Variants in SLC12A2 observed in about 807,000 individuals in gnomAD.
SLC12A2 encodes the protein Na-K-2Cl cotransporter 1.
SLC12A2 carries 67 observed loss-of-function variants against 136.3 expected under a neutral mutation model. The ratio of observed to expected loss-of-function variants is 0.49; its 90% CI spans 0.40 to 0.60. The LOEUF (loss-of-function observed/expected upper bound fraction) is 0.60, where lower values mean the gene tolerates loss of function less well. SLC12A2 is among the 20% of genes least tolerant of loss of function. The pLI is 0.00. For missense variants in SLC12A2, 1,322 were observed against 1,534.7 expected, an observed-to-expected ratio of 0.86 and a Z score of 2.32; for synonymous variants, 619 against 562.9, an observed-to-expected ratio of 1.10 and a Z score of -1.41.
At chr5:128,170,671 T>A (rs1763344562) in intron 18 of SLC12A2, 1 of 152,184 alleles carries the variant, frequency 6.6e-6, no homozygotes, top group East Asian at 1.9e-4. Flanking sequence ...GAATTTAAAA[T>A]TTTTTCAGTA....
At chr5:128,132,577 G>A (rs1275072521) in intron 5 of SLC12A2, among the ~76,000 whole-genome samples, 1 of 152,064 alleles carries the variant, frequency 6.6e-6, no homozygotes, top group Non-Finnish European at 1.5e-5. Flanking sequence ...GAGTGCAATA[G>A]GATTCCTCAA....
At chr5:128,110,109 G>T in intron 1 of SLC12A2, 1 of 939,164 alleles carries the variant, frequency 1.1e-6, no homozygotes, top group South Asian at 1.3e-5. Context: ...TGAACATGTA[G>T]GTTTTAGAAT....
chr5:128,084,040 C>T lies in SLC12A2; in HGVS notation c.86C>T (p.Ala29Val). The T allele has an allele frequency of 5.5e-6, 7 of 1,273,234 alleles. No individual in the cohort carries two copies. The highest frequency in any genetic ancestry group is 5.9e-6 in the Non-Finnish European group (6 of 1,012,464). 78.9% of individuals were successfully genotyped at this position (1,273,234 alleles called of 1,614,324 possible). A position where few individuals can be genotyped will look rare whatever the true frequency, so the allele number is the denominator to read the frequency against. The change falls in exon 1 of 27, where the codon GCA becomes GTA. Residue 29 changes from alanine to valine, a missense_variant. Transcript: ENST00000262461. The surrounding 1 kb of genome is among the most constrained non-coding windows in gnomAD (Gnocchi z 5.6). ...GETPSAAALA[A>V]ARVELPGTAV... ...ACGCCGTCAGCCGCTGCGCTGGCCG[C>T]AGCCAGGGTGGAACTGCCCGGCACG... is the stretch of plus-strand genomic sequence containing the variant.
chr5:128,172,780 G>A (rs139698082), intron 19 of SLC12A2, among the ~76,000 whole-genome samples: 1 of 152,042 alleles, frequency 6.6e-6, no homozygotes, highest in African/African-American at 2.4e-5. Context: ...GACCAGCATG[G>A]TGAAGCCCCG....
At chr5:128,128,765 T>G (rs1438268426) in intron 4 of SLC12A2, among the ~76,000 whole-genome samples, 1 of 150,412 alleles carries the variant, frequency 6.6e-6, no homozygotes, top group East Asian at 1.9e-4. Flanking sequence ...CTGTGCTGAT[T>G]AGTAAAAAAA....
chr5:128,085,057 A>G (rs1157295071), intron 1 of SLC12A2, among the ~76,000 whole-genome samples: 1 of 151,316 alleles, frequency 6.6e-6, no homozygotes, highest in African/African-American at 2.4e-5. Context: ...GAGAATGTGC[A>G]GTGAGGATCT....
intron 9 of SLC12A2, among the ~76,000 whole-genome samples, chr5:128,139,447 C>A (rs1490546693): frequency 6.6e-6 from 1 of 152,136 alleles, no homozygotes; most frequent in Non-Finnish European, 1.5e-5. Flanking sequence ...CATGTTATTA[C>A]TTCATGGGAT....
Position 128,084,754 on chromosome 5 carries a change from T to TGTG in SLC12A2, c.756+45_756+46insTGG. 8.7e-6 allele frequency: 13 copies of TGTG among 1,498,372 alleles called. No individual in the cohort carries two copies. Among genetic ancestry groups the TGTG allele is most frequent in the Non-Finnish European group, 1.2e-5 (13 of 1,120,038 alleles). The allele number at this position is 1,498,372 out of a possible 1,614,324, so 92.8% of individuals were successfully genotyped here. A position where few individuals can be genotyped will look rare whatever the true frequency, so the allele number is the denominator to read the frequency against. On this transcript the variant is annotated intron_variant, in intron 1 of 26. Transcript: ENST00000262461. The surrounding 1 kb of genome is among the most constrained non-coding windows in gnomAD (Gnocchi z 5.6). ...CCCTTCTTCCCCAGCCCCTGGTGCA[T>TGTG]GCCGACCGCGGGATGTGGCTGCAGA...
rs758739628 is a variant in SLC12A2 at position 128,171,701 on chromosome 5, A to G, written c.2758A>G (p.Ile920Val). 1 of 1,589,566 alleles carries G rather than the reference A, an allele frequency of 6.3e-7. No homozygotes were observed. The highest frequency in any genetic ancestry group is 1.9e-5 in the Admixed American group (1 of 53,084). ...AFDIQYGVVV[I>V]RLKEGLDISH... ...TGACATACAATATGGAGTAGTGGTT[A>G]TTCGCCTAAAAGAAGGTCTGGATAT... The change falls in exon 19 of 27, where the codon ATT becomes GTT. Residue 920 changes from isoleucine (I) to valine (V), a missense_variant. Ile to Val is a conservative substitution (Grantham distance 29). This residue lies in a region of SLC12A2 where 226 missense variants were observed against 210.4 expected (regional missense o/e 1.07). Coordinates refer to ENST00000262461, the MANE Select transcript of SLC12A2 (RefSeq NM_001046.3).
rs1763564967 is a variant in SLC12A2 at position 128,177,171 on chromosome 5, T to G, written c.2977+19T>G. ...AAAAAAGGCAGGCATTTTTCATCAT[T>G]TTATTTTAAACCCTTTTTCATACTG... On this transcript the variant is annotated intron_variant, in intron 21 of 26. Coordinates refer to ENST00000262461, the MANE Select transcript of SLC12A2 (RefSeq NM_001046.3). 3 of 1,578,604 alleles carry G rather than the reference T, an allele frequency of 1.9e-6. No individual in the cohort carries two copies. Among genetic ancestry groups the G allele is most frequent in the Non-Finnish European group, 2.6e-6 (3 of 1,160,760 alleles).
At chr5:128,123,077 C>T (rs1053285917) in intron 4 of SLC12A2, among the ~76,000 whole-genome samples, 3 of 152,006 alleles carry the variant, frequency 2.0e-5, no homozygotes, top group African/African-American at 7.2e-5. Flanking sequence ...GGTGACCTTT[C>T]AGTTTTGCCA....
rs928925180 is a variant in SLC12A2 at position 128,110,431 on chromosome 5, G to C, written c.757-2383G>C. 2.1e-4 allele frequency: 243 copies of C among 1,130,340 alleles called. 1 individual carries two copies. The South Asian group carries it at 2.9e-3, about 13-fold the overall frequency. 70.0% of individuals were successfully genotyped at this position (1,130,340 alleles called of 1,614,324 possible). A position where few individuals can be genotyped will look rare whatever the true frequency, so the allele number is the denominator to read the frequency against. On this transcript the variant is annotated intron_variant, in intron 1 of 26. Transcript: ENST00000262461. ...TTGAGAGGGCAAGACAGCCGCAAAG[G>C]AGACTTGAGCTGGTTAAACTCAGTA... is the stretch of plus-strand genomic sequence containing the variant.
rs775216710 is a variant in SLC12A2 at position 128,184,506 on chromosome 5, T to G, written c.3435+5T>G. The G allele has an allele frequency of 6.3e-7, 1 of 1,576,508 alleles. No individual in the cohort carries two copies. Among genetic ancestry groups the G allele is most frequent in the Admixed American group, 2.0e-5 (1 of 49,654 alleles). On this transcript the variant is annotated splice_donor_5th_base_variant and intron_variant, in intron 25 of 26. Transcript: ENST00000262461. ...CTTGAACTTTATAAGACCAAGGTATTCTCTTCTGCTTCCTTTTCATTAATC... is the reference window on the plus strand; with the variant it reads ...CTTGAACTTTATAAGACCAAGGTATGCTCTTCTGCTTCCTTTTCATTAATC...
intron 4 of SLC12A2, among the ~76,000 whole-genome samples, chr5:128,129,998 C>G (rs1034852574): frequency 2.7e-5 from 4 of 150,194 alleles, no homozygotes; most frequent in African/African-American, 9.8e-5. Flanking sequence ...CAAACTACAT[C>G]TCTTTGGAAT....
chr5:128,112,255 A>C (rs1395512948), intron 1 of SLC12A2, among the ~76,000 whole-genome samples: 1 of 152,178 alleles, frequency 6.6e-6, no homozygotes, highest in Admixed American at 6.5e-5. Context: ...TCTGAGAAAA[A>C]CTACAAAGGA....
chr5:128,134,284 T>C lies in SLC12A2; in HGVS notation c.1299+9T>C, dbSNP rs778646132. On this transcript the variant is annotated intron_variant, in intron 6 of 26. Transcript: ENST00000262461. ...TGGAGTGGGAAGCAAAAGTAAGTTA[T>C]GATAGGAACACCTGTAAATATTTAA... 2.3e-6 allele frequency: 3 copies of C among 1,318,088 alleles called. No individual in the cohort carries two copies. The highest frequency in any genetic ancestry group is 2.3e-5 in the East Asian group (1 of 43,434). 81.6% of individuals were successfully genotyped at this position (1,318,088 alleles called of 1,614,324 possible). A position where few individuals can be genotyped will look rare whatever the true frequency, so the allele number is the denominator to read the frequency against.
chr5:128,154,787 A>AT (rs1343704317), intron 15 of SLC12A2, among the ~76,000 whole-genome samples: 2 of 152,182 alleles, frequency 1.3e-5, no homozygotes, highest in Admixed American at 6.5e-5. Context: ...CTTATTGCAC[A>AT]TTACGGCTGT....
chr5:128,171,286 G>A (rs1407676947), intron 18 of SLC12A2, among the ~76,000 whole-genome samples: 1 of 152,074 alleles, frequency 6.6e-6, no homozygotes, highest in Non-Finnish European at 1.5e-5. Context: ...AGGTTTTTGT[G>A]TGTGTGTCTT....
In SLC12A2 at chr5:128,147,717, C is replaced by G. The variant is rs151034703; in HGVS notation, c.1869C>G (p.Pro623=). 6.9e-6 allele frequency: 11 copies of G among 1,595,630 alleles called. No individual in the cohort carries two copies. Among genetic ancestry groups the G allele is most frequent in the African/African-American group, 1.3e-5 (1 of 74,408 alleles). The change falls in exon 11 of 27, where the codon CCC becomes CCG. Residue 623 remains proline (P), a synonymous_variant. Coordinates refer to ENST00000262461, the MANE Select transcript of SLC12A2 (RefSeq NM_001046.3). ...SSALASLVSA[P]KIFQALCKDN... The stretch of plus-strand genomic sequence containing the variant: ...CATTAGCATCCCTAGTGAGTGCTCC[C>G]AAAATATTTCAGGTAAGTGTTTTTA...
Sources: gnomAD v4.1 joint callset for allele counts (sites outside exome capture counted in the v4.1 genomes callset) on GRCh38, gnomAD v4.1.1 for gene constraint, gnomAD v4.1.1 regional missense constraint, Gnocchi (gnomAD v3.1) non-coding constraint, MANE v1.5 for transcripts, NCBI Gene and HGNC (gene_info 2026-07-23, HGNC 2026-07-21) for gene names.